The following ARHGEF26 variants were observed in gnomAD, a reference collection of about 807,000 sequenced individuals.
The protein encoded by ARHGEF26 is Rho guanine nucleotide exchange factor (GEF) 26.
A neutral mutation model predicts 89.4 loss-of-function variants in ARHGEF26; 59 were observed. The ratio of observed to expected loss-of-function variants is 0.66; its 90% CI spans 0.54 to 0.82. ARHGEF26 has a LOEUF of 0.82. Among genes scored for constraint, ARHGEF26 ranks in the 40% least tolerant of loss-of-function variants. The pLI, the probability that ARHGEF26 is intolerant of heterozygous loss-of-function variation, is 0.00. For missense variants in ARHGEF26, 1,234 were observed against 1,085.6 expected (o/e 1.14, Z -1.92); for synonymous variants, 500 against 428.4 (o/e 1.17, Z -2.06).
chr3:154,168,102 C>G (rs926497900), intron 6 of ARHGEF26, among the ~76,000 whole-genome samples: 1 of 152,074 alleles, frequency 6.6e-6, no homozygotes, highest in Non-Finnish European at 1.5e-5. Context: ...TAAACTACTT[C>G]CATGGAATTT....
At chr3:154,144,867 A>C (rs545658942) in intron 4 of ARHGEF26, among the ~76,000 whole-genome samples, 14 of 152,346 alleles carry the variant, frequency 9.2e-5, no homozygotes, top group African/African-American at 3.4e-4. Context: ...TTTGGATGTC[A>C]CTGGCATATT....
chr3:154,215,144 T>TC (rs1267513437), intron 9 of ARHGEF26, among the ~76,000 whole-genome samples: 1 of 152,208 alleles, frequency 6.6e-6, no homozygotes, highest in Non-Finnish European at 1.5e-5. Flanking sequence ...AACCGTGGCC[T>TC]ATCTCTTTTG....
chr3:154,220,702 C>G (rs188800109), intron 10 of ARHGEF26, among the ~76,000 whole-genome samples: 269 of 152,100 alleles, frequency 1.8e-3, no homozygotes, highest in African/African-American at 6.4e-3. Context: ...AAGTTCTAAG[C>G]AGGGAAGTGA....
intron 8 of ARHGEF26, among the ~76,000 whole-genome samples, chr3:154,192,535 T>A (rs1175431174): frequency 6.6e-6 from 1 of 152,228 alleles, no homozygotes; most frequent in Non-Finnish European, 1.5e-5. Context: ...CCATCACCTG[T>A]AATTCAGGAA....
intron 9 of ARHGEF26, among the ~76,000 whole-genome samples, chr3:154,216,666 C>A: frequency 9.4e-6 from 1 of 106,890 alleles, no homozygotes; most frequent in African/African-American, 3.9e-5. Flanking sequence ...GTATATCTCC[C>A]AATGCTATCC....
chr3:154,141,079 A>G (rs916750140), intron 4 of ARHGEF26, among the ~76,000 whole-genome samples: 16 of 151,992 alleles, frequency 1.1e-4, no homozygotes, highest in African/African-American at 3.6e-4. Flanking sequence ...CTCCTGCCTC[A>G]GCCTCCTGAG....
At chr3:154,123,373 C>G (rs1718119033) in intron 2 of ARHGEF26, among the ~76,000 whole-genome samples, 1 of 152,094 alleles carries the variant, frequency 6.6e-6, no homozygotes, top group South Asian at 2.1e-4. Flanking sequence ...TGAGTCTTTA[C>G]CACTTTTAAA....
intron 9 of ARHGEF26, among the ~76,000 whole-genome samples, chr3:154,217,376 G>A (rs1475621201): frequency 6.6e-6 from 1 of 151,966 alleles, no homozygotes; most frequent in Admixed American, 6.6e-5. Flanking sequence ...ACTTTCTGAT[G>A]GGGTTGTTTG....
At chr3:154,172,125 C>T (rs1354855254) in intron 6 of ARHGEF26, among the ~76,000 whole-genome samples, 1 of 152,132 alleles carries the variant, frequency 6.6e-6, no homozygotes, top group Admixed American at 6.5e-5. Context: ...GAAGCAGGTG[C>T]GACCGGCTCA....
intron 9 of ARHGEF26, among the ~76,000 whole-genome samples, chr3:154,202,305 A>G (rs1380915371): frequency 1.3e-5 from 2 of 152,164 alleles, no homozygotes; most frequent in Non-Finnish European, 2.9e-5. Context: ...GTCAGAGATC[A>G]GATAGTTGTA....
At chr3:154,165,466 C>T in intron 6 of ARHGEF26, among the ~76,000 whole-genome samples, 1 of 152,162 alleles carries the variant, frequency 6.6e-6, no homozygotes. Context: ...TACGTTTTCT[C>T]TGCATGCTGT....
At chr3:154,237,268 C>T (rs1334103224) in intron 11 of ARHGEF26, among the ~76,000 whole-genome samples, 1 of 152,050 alleles carries the variant, frequency 6.6e-6, no homozygotes, top group African/African-American at 2.4e-5. Flanking sequence ...GAAAAAGAAG[C>T]TGGCTGGGTG....
At chr3:154,196,692 G>A (rs1714310341) in intron 9 of ARHGEF26, among the ~76,000 whole-genome samples, 5 of 152,136 alleles carry the variant, frequency 3.3e-5, no homozygotes, top group Admixed American at 3.3e-4. Context: ...AAGAAAGCCT[G>A]ACAAGTGAGA....
intron 11 of ARHGEF26, among the ~76,000 whole-genome samples, chr3:154,232,625 A>AT (rs1242408257): frequency 6.6e-6 from 1 of 152,190 alleles, no homozygotes; most frequent in Non-Finnish European, 1.5e-5. Context: ...TGTTAAGAAA[A>AT]TAAAAAAAAT....
In ARHGEF26 at chr3:154,219,862, C is replaced by A. The variant is rs540205600; in HGVS notation, c.1935+1904C>A. 2.7e-5 allele frequency among the ~76,000 whole-genome samples: 4 copies of A among 150,314 alleles called. No homozygotes were observed. In the South Asian group the frequency reaches 8.4e-4, roughly 32 times the overall value. On this transcript the variant is annotated intron_variant, in intron 10 of 14. Transcript: ENST00000465093. ...CCGGGAGGCGGAGCTTGCAGTGAGC[C>A]GAGATCGTGCCACTGCACTCCAGCC...
At chr3:154,169,000 T>A (rs1046312191) in intron 6 of ARHGEF26, among the ~76,000 whole-genome samples, 2 of 151,946 alleles carry the variant, frequency 1.3e-5, no homozygotes, top group Non-Finnish European at 2.9e-5. Flanking sequence ...AAAAAAAGAT[T>A]AGAAATGTAA....
chr3:154,232,176 T>G (rs76903638), intron 11 of ARHGEF26, among the ~76,000 whole-genome samples: 3,855 of 152,204 alleles, frequency 0.025, 54 homozygotes, highest in Non-Finnish European at 0.04. Context: ...TCTCCTCTTT[T>G]TCAAGGACTA....
Position 154,122,457 on chromosome 3 carries a change from C to G in ARHGEF26, c.465C>G (p.Pro155=). 10 of 1,612,260 alleles carry G rather than the reference C, an allele frequency of 6.2e-6. No homozygotes were observed. Among genetic ancestry groups the G allele is most frequent in the Non-Finnish European group, 8.5e-6 (10 of 1,179,616 alleles). ...RPPRTPNAPA[P]CTPEEDLTGL... ...CGCGGACTCCTAACGCGCCCGCCCCCTGCACCCCCGAGGAGGACCTTACTG... is the reference window on the plus strand; with the variant it reads ...CGCGGACTCCTAACGCGCCCGCCCCGTGCACCCCCGAGGAGGACCTTACTG... The change falls in exon 2 of 15, where the codon CCC becomes CCG. Residue 155 remains proline, a synonymous_variant. Transcript: ENST00000465093.
In ARHGEF26 at chr3:154,122,138, C is replaced by T. The variant is rs779010194; in HGVS notation, c.146C>T (p.Thr49Met). Residue 49 changes from threonine to methionine, a missense_variant, in exon 2 of 15, where the codon ACG (threonine) becomes ATG (methionine). Coordinates refer to ENST00000465093, the MANE Select transcript of ARHGEF26 (RefSeq NM_015595.4). ...SYQSPNGLLITDFPVEDGGTL... is the reference protein window; with the variant it reads ...SYQSPNGLLIMDFPVEDGGTL... ...CAGAGCCCCAACGGGTTACTAATTACGGATTTCCCGGTGGAGGACGGAGGG... is the reference window on the plus strand; with the variant it reads ...CAGAGCCCCAACGGGTTACTAATTATGGATTTCCCGGTGGAGGACGGAGGG... 1.2e-5 allele frequency: 20 copies of T among 1,603,356 alleles called. No individual in the cohort carries two copies. The highest frequency in any genetic ancestry group is 5.1e-6 in the Non-Finnish European group (6 of 1,174,962).
Sources: allele counts gnomAD v4.1 joint callset (sites outside exome capture counted in the v4.1 genomes callset), GRCh38; gene constraint gnomAD v4.1.1; transcripts MANE v1.5; gene names NCBI Gene and HGNC (gene_info 2026-07-23, HGNC 2026-07-21).